Variants in ARID1B observed in about 807,000 individuals in gnomAD.
ARID1B encodes the protein AT-rich interactive domain-containing protein 1B.
Under a neutral mutation model 212.3 loss-of-function variants are expected in ARID1B, and 30 were observed. That is an observed-to-expected ratio of 0.14 (90% CI 0.11 to 0.19). The LOEUF (loss-of-function observed/expected upper bound fraction) is 0.19. ARID1B is among the 10% of genes least tolerant of loss of function. The probability of loss-of-function intolerance (pLI) is 1.00; values close to 1 mark genes in which losing one functional copy is unlikely to be tolerated. For missense variants in ARID1B, 2,891 were observed against 3,204.0 expected (o/e 0.90, Z 2.36); for synonymous variants, 1,402 against 1,301.7 (o/e 1.08, Z -1.66).
intron 4 of ARID1B, among the ~76,000 whole-genome samples, chr6:156,956,948 C>T (rs908181134): frequency 3.3e-5 from 5 of 152,170 alleles, no homozygotes; most frequent in Admixed American, 3.3e-4. Context: ...CCCATATGGT[C>T]AGGATCTTAT....
At chr6:157,053,195 C>T (rs918783346) in intron 4 of ARID1B, among the ~76,000 whole-genome samples, 8 of 152,122 alleles carry the variant, frequency 5.3e-5, no homozygotes, top group Non-Finnish European at 7.3e-5. Flanking sequence ...CAGCAATTCT[C>T]GTGCCTCAGC....
At chr6:157,034,033 C>T (rs973731379) in intron 4 of ARID1B, among the ~76,000 whole-genome samples, 6 of 151,986 alleles carry the variant, frequency 3.9e-5, no homozygotes, top group Non-Finnish European at 8.8e-5. Context: ...GCTATTATGT[C>T]CTAATTTTAC....
At chr6:156,852,273 C>A (rs1002699926) in intron 2 of ARID1B, among the ~76,000 whole-genome samples, 3 of 151,872 alleles carry the variant, frequency 2.0e-5, no homozygotes, top group African/African-American at 7.3e-5. Flanking sequence ...CATAACGAAA[C>A]CTCCCTGTAC....
At chr6:157,177,004 T>A (rs143480652) in intron 11 of ARID1B, among the ~76,000 whole-genome samples, 1 of 152,200 alleles carries the variant, frequency 6.6e-6, no homozygotes, top group African/African-American at 2.4e-5. Context: ...ATTATCTCCA[T>A]CCACTGTAGG....
At chr6:156,798,493 C>G (rs1461483030) in intron 1 of ARID1B, among the ~76,000 whole-genome samples, 2 of 152,260 alleles carry the variant, frequency 1.3e-5, no homozygotes, top group Admixed American at 6.5e-5. Flanking sequence ...CATGATGGTA[C>G]CAGGAGTCAG....
Position 157,175,875 on chromosome 6 carries a change from A to C in ARID1B, c.3504+870A>C, listed in dbSNP as rs191243460. 35 of 152,282 alleles carry C rather than the reference A, an allele frequency of 2.3e-4. No homozygotes were observed. The East Asian group carries it at 2.7e-3, about 12-fold the overall frequency. The allele number at this position is 152,282 out of a possible 1,614,324, so 9.4% of individuals were successfully genotyped here. On this transcript the variant is annotated intron_variant, in intron 11 of 19. Coordinates refer to ENST00000636930, the MANE Select transcript of ARID1B (RefSeq NM_001374828.1). ...GAATCAAAAGATCTTAAAAAAAAAA[A>C]AACAACATGCAATTACTTGCCAAGA...
At chr6:156,858,851 TAAA>T (rs371646772) in intron 2 of ARID1B, among the ~76,000 whole-genome samples, 1 of 152,084 alleles carries the variant, frequency 6.6e-6, no homozygotes, top group Non-Finnish European at 1.5e-5. Context: ...AATTAAAAGT[TAAA>T]AAAACCGTAA....
chr6:156,918,287 A>G (rs1237852764), intron 3 of ARID1B, among the ~76,000 whole-genome samples: 2 of 152,288 alleles, frequency 1.3e-5, no homozygotes, highest in East Asian at 1.9e-4. Flanking sequence ...TGTTTCTTAT[A>G]TAGAAATAAG....
rs1177807875 is a variant in ARID1B, at chr6:157,004,897, C to CTTTTTTTTTTTTTT, written c.2247+69342_2247+69355dup. 8.0e-4 allele frequency among the ~76,000 whole-genome samples: 44 copies of CTTTTTTTTTTTTTT among 54,700 alleles called. 2 individuals are homozygous for CTTTTTTTTTTTTTT. Among genetic ancestry groups the CTTTTTTTTTTTTTT allele is most frequent in the Non-Finnish European group, 9.5e-4 (26 of 27,284 alleles). The allele number at this position is 54,700 out of a possible 152,430, so 35.9% of individuals were successfully genotyped here. The stretch of plus-strand genomic sequence containing the variant: ...TTTTTTCTTTTTCTTCTTCTTTTTT[C>CTTTTTTTTTTTTTT]TTTTTTTTTTTTTTTTTTTTTTTTT... On this transcript the variant is annotated intron_variant, in intron 4 of 19. Coordinates refer to ENST00000636930, the MANE Select transcript of ARID1B (RefSeq NM_001374828.1).
chr6:157,052,796 T>G (rs1188453130), intron 4 of ARID1B, among the ~76,000 whole-genome samples: 1 of 152,162 alleles, frequency 6.6e-6, no homozygotes, highest in Non-Finnish European at 1.5e-5. Flanking sequence ...CTCGGCTCAC[T>G]GCAACCTCTG....
At chr6:157,178,711 A>C (rs963913386) in intron 11 of ARID1B, among the ~76,000 whole-genome samples, 1 of 145,270 alleles carries the variant, frequency 6.9e-6, no homozygotes, top group African/African-American at 2.9e-5. Context: ...GATAGGCACA[A>C]GTTAATTAAA....
At chr6:156,814,530 T>C (rs1455332926) in intron 1 of ARID1B, among the ~76,000 whole-genome samples, 1 of 152,222 alleles carries the variant, frequency 6.6e-6, no homozygotes. Context: ...GTTTTAAGCC[T>C]GCCCGCCTCT....
intron 15 of ARID1B, among the ~76,000 whole-genome samples, chr6:157,192,516 G>T (rs1793453645): frequency 6.6e-6 from 1 of 152,162 alleles, no homozygotes; most frequent in South Asian, 2.1e-4. Flanking sequence ...GAAAATATTG[G>T]TAAGTTGAAA....
Position 156,829,299 on chromosome 6 carries a change from C to T in ARID1B, c.1864C>T (p.Pro622Ser). 6.2e-7 allele frequency: 1 copy of T among 1,614,240 alleles called. No homozygotes were observed. Among genetic ancestry groups the T allele is most frequent in the Non-Finnish European group, 8.5e-7 (1 of 1,180,032 alleles). ...CATGGGCAGTAACCCTCATTCTCAG[C>T]CTCAGCAGAGCAGTCCGTACCCAGG... ...YGMGSNPHSQ[P>S]QQSSPYPGGS... Residue 622 changes from proline (P) to serine (S), a missense_variant, in exon 2 of 20, where the codon CCT (proline) becomes TCT (serine). Pro to Ser is a moderately conservative substitution (Grantham distance 74). Coordinates refer to ENST00000636930, the MANE Select transcript of ARID1B (RefSeq NM_001374828.1).
intron 5 of ARID1B, among the ~76,000 whole-genome samples, chr6:157,100,801 C>G (rs1786001837): frequency 6.6e-6 from 1 of 152,114 alleles, no homozygotes; most frequent in Non-Finnish European, 1.5e-5. Flanking sequence ...TGCAACCAAC[C>G]AATGCTGTCT....
Position 156,779,463 on chromosome 6 carries a change from A to G in ARID1B, c.1783A>G (p.Arg595Gly). The G allele has an allele frequency of 1.4e-6, 2 of 1,411,502 alleles. No homozygotes were observed. The highest frequency in any genetic ancestry group is 1.9e-6 in the Non-Finnish European group (2 of 1,076,678). 87.4% of individuals were successfully genotyped at this position (1,411,502 alleles called of 1,614,324 possible). ...CGGCACCCCCGGACCGACCATGGGCAGATCCCAGGTAACCCTCGCGCCAGC... is the reference window on the plus strand; with the variant it reads ...CGGCACCCCCGGACCGACCATGGGCGGATCCCAGGTAACCCTCGCGCCAGC... ...SPGTPGPTMG[R>G]SQGSPMDPMV... is the part of the protein sequence containing the mutation. Residue 595 changes from arginine (R) to glycine (G), a missense_variant, in exon 1 of 20, where the codon AGA (arginine) becomes GGA (glycine). Around this residue, in one of 7 missense-constraint regions of ARID1B, gnomAD observed 1,643 missense variants for 1,544.0 expected, o/e 1.06. Coordinates refer to ENST00000636930, the MANE Select transcript of ARID1B (RefSeq NM_001374828.1).
rs371481053 is a variant in ARID1B, at chr6:156,990,751, C to G, written c.2247+55175C>G. Among the ~76,000 whole-genome samples, 251 of 152,282 alleles carry G rather than the reference C, an allele frequency of 1.6e-3. 1 individual carries two copies. The highest frequency in any genetic ancestry group is 5.9e-3 in the African/African-American group (244 of 41,564). ...AAGCCATCCTCCTTCCTCAGCCTCC[C>G]AAAGTGCTAAGATTACAGGTGTGAG... On this transcript the variant is annotated intron_variant, in intron 4 of 19. Coordinates refer to ENST00000636930, the MANE Select transcript of ARID1B (RefSeq NM_001374828.1).
At chr6:156,829,610 A>G (rs1052754961) in intron 2 of ARID1B, 189 bp downstream of exon 2, 5 of 633,512 alleles carry the variant, frequency 7.9e-6, no homozygotes, top group African/African-American at 5.5e-5. Context: ...TGAGCTTCTT[A>G]AAGTGGACAG....
At chr6:157,095,293 T>C (rs1785537733) in intron 5 of ARID1B, among the ~76,000 whole-genome samples, 1 of 152,230 alleles carries the variant, frequency 6.6e-6, no homozygotes, top group Admixed American at 6.5e-5. Flanking sequence ...GGACCGGTGC[T>C]GGCCCAGCCC....
Sources: gnomAD v4.1 joint callset for allele counts (sites outside exome capture counted in the v4.1 genomes callset) on GRCh38, gnomAD v4.1.1 for gene constraint, gnomAD v4.1.1 regional missense constraint, MANE v1.5 for transcripts, NCBI Gene and HGNC (gene_info 2026-07-23, HGNC 2026-07-21) for gene names.